Variants in SP4 observed in about 807,000 individuals in gnomAD.
The protein encoded by SP4 is transcription factor Sp4.
SP4 carries 19 observed loss-of-function variants against 72.8 expected under a neutral mutation model. The ratio of observed to expected loss-of-function variants is 0.26; its 90% CI spans 0.18 to 0.38. The LOEUF is 0.38. Among genes scored for constraint, SP4 ranks in the 10% least tolerant of loss-of-function variants. The probability of loss-of-function intolerance (pLI) is 1.00; values close to 1 mark genes in which losing one functional copy is unlikely to be tolerated. For synonymous variants in SP4, 395 were observed against 333.1 expected (o/e 1.19, Z -2.02); for missense variants, 1,008 against 926.3 (o/e 1.09, Z -1.14).
intron 5 of SP4, among the ~76,000 whole-genome samples, chr7:21,491,060 AAG>A (rs1173642622): frequency 6.6e-6 from 1 of 152,188 alleles, no homozygotes; most frequent in Non-Finnish European, 1.5e-5. Context: ...ACTTTTTATT[AAG>A]AGAGAAGATA....
chr7:21,462,354 A>C (rs1389476520), intron 3 of SP4, among the ~76,000 whole-genome samples: 1 of 152,158 alleles, frequency 6.6e-6, no homozygotes, highest in African/African-American at 2.4e-5. Context: ...TGTGGTTCTC[A>C]AGAGTCTTAA....
chr7:21,460,533 C>T (rs774650131), intron 3 of SP4, among the ~76,000 whole-genome samples: 8 of 152,170 alleles, frequency 5.3e-5, no homozygotes, highest in Non-Finnish European at 1.2e-4. Flanking sequence ...ACAAAGCTTC[C>T]ACAGTATGGA....
At chr7:21,467,848 G>A (rs1019573551) in intron 3 of SP4, among the ~76,000 whole-genome samples, 1 of 151,804 alleles carries the variant, frequency 6.6e-6, no homozygotes, top group Non-Finnish European at 1.5e-5. Flanking sequence ...TGTTTTTCCT[G>A]ATCAGTTATA....
Position 21,438,784 on chromosome 7 carries a change from C to T in SP4, c.1678+7941C>T, listed in dbSNP as rs1486537614. 2.0e-5 allele frequency among the ~76,000 whole-genome samples: 3 copies of T among 152,172 alleles called. No individual in the cohort carries two copies. The East Asian group carries it at 5.8e-4, about 29-fold the overall frequency. Reference sequence around the variant, plus strand: ...CAGTCTGTCCAGGGTGAATGGGAATCTTCTCTTTGTCCAGTTATACCCTCT... The same window carrying T: ...CAGTCTGTCCAGGGTGAATGGGAATTTTCTCTTTGTCCAGTTATACCCTCT... On this transcript the variant is annotated intron_variant, in intron 3 of 5. Transcript: ENST00000222584.
At chr7:21,490,084 G>A (rs914041374) in intron 5 of SP4, among the ~76,000 whole-genome samples, 2 of 152,154 alleles carry the variant, frequency 1.3e-5, no homozygotes, top group African/African-American at 4.8e-5. Context: ...TAAAAACTCT[G>A]GACAAGTTTA....
chr7:21,477,355 G>A (rs1279991577), intron 4 of SP4, 48 bp downstream of exon 4: 2 of 1,295,678 alleles, frequency 1.5e-6, no homozygotes, highest in Middle Eastern at 1.8e-4. Flanking sequence ...GCATAAAACA[G>A]CAGTTAAAAC....
intron 3 of SP4, among the ~76,000 whole-genome samples, chr7:21,435,389 T>TA (rs1194085934): frequency 3.3e-5 from 5 of 152,146 alleles, no homozygotes; most frequent in African/African-American, 1.2e-4. Flanking sequence ...TCATTATTGG[T>TA]AAAAATAGGT....
Position 21,430,801 on chromosome 7 carries a change from G to A in SP4, c.1636G>A (p.Val546Ile), listed in dbSNP as rs756168663. Reference sequence around the variant, plus strand: ...CGTTGCCAACCTGGGTGCTGCAGGTGTTCAAGTGCAGGGAGTTCCCGTTAC... The same window carrying A: ...CGTTGCCAACCTGGGTGCTGCAGGTATTCAAGTGCAGGGAGTTCCCGTTAC... ...VSVANLGAAG[V>I]QVQGVPVTIT... Residue 546 changes from valine to isoleucine, a missense_variant, in exon 3 of 6, where the codon GTT becomes ATT. Val to Ile is a conservative substitution (Grantham distance 29, BLOSUM62 3). Around this residue, in one of 3 missense-constraint regions of SP4, gnomAD observed 893 missense variants for 743.3 expected, o/e 1.20. Transcript: ENST00000222584. 2 of 1,614,008 alleles carry A rather than the reference G, an allele frequency of 1.2e-6. No homozygotes were observed. Among genetic ancestry groups the A allele is most frequent in the African/African-American group, 1.3e-5 (1 of 75,048 alleles).
chr7:21,464,051 G>A lies in SP4; in HGVS notation c.1679-13028G>A, dbSNP rs771642525. Among the ~76,000 whole-genome samples the A allele has an allele frequency of 3.3e-5, 5 of 151,356 alleles. No homozygotes were observed. The South Asian group carries it at 1.0e-3, about 32-fold the overall frequency. On this transcript the variant is annotated intron_variant, in intron 3 of 5. Coordinates refer to ENST00000222584, the MANE Select transcript of SP4 (RefSeq NM_003112.5). ...GAACACAGAAAAGATTTCACTAAGT[G>A]CTAGCAACTATTTATTATGATAATT... is the stretch of plus-strand genomic sequence containing the variant.
In SP4 at chr7:21,469,853, A is replaced by G. The variant is rs1784278626; in HGVS notation, c.1679-7226A>G. 2.6e-5 allele frequency among the ~76,000 whole-genome samples: 4 copies of G among 152,136 alleles called. No homozygotes were observed. The South Asian group carries it at 8.3e-4, about 32-fold the overall frequency. Reference sequence around the variant, plus strand: ...AGTCATGAGCCACCATGCTGGGCCTATAATTTTTTAGAGTTAATATTTTTA... The same window carrying G: ...AGTCATGAGCCACCATGCTGGGCCTGTAATTTTTTAGAGTTAATATTTTTA... On this transcript the variant is annotated intron_variant, in intron 3 of 5. Coordinates refer to ENST00000222584, the MANE Select transcript of SP4 (RefSeq NM_003112.5).
In SP4 at chr7:21,501,060, CAT is replaced by C. The variant is rs537605681; in HGVS notation, c.2108-9960_2108-9959del. Among the ~76,000 whole-genome samples, 482 of 152,262 alleles carry C rather than the reference CAT, an allele frequency of 3.2e-3. 2 individuals carry two copies. Among genetic ancestry groups the C allele is most frequent in the African/African-American group, 0.011 (455 of 41,550 alleles). On this transcript the variant is annotated intron_variant, in intron 5 of 5. Coordinates refer to ENST00000222584, the MANE Select transcript of SP4 (RefSeq NM_003112.5). ...CATGCAAATCCCTCCCCTAGTTCCT[CAT>C]AGGTCGAGTATTACAGGGTTACAAT...
At chr7:21,487,185 G>C (rs528718044) in intron 5 of SP4, among the ~76,000 whole-genome samples, 5 of 152,194 alleles carry the variant, frequency 3.3e-5, no homozygotes, top group African/African-American at 1.2e-4. Flanking sequence ...TTTCACATTA[G>C]TTCCTGTGTC....
At chr7:21,471,225 T>C (rs1257638906) in intron 3 of SP4, 1 of 449,220 alleles carries the variant, frequency 2.2e-6, no homozygotes, top group Non-Finnish European at 4.6e-6. Flanking sequence ...ACTGACCTTA[T>C]TGTGAATGTA....
At chr7:21,504,298 G>C (rs779183762) in intron 5 of SP4, among the ~76,000 whole-genome samples, 15 of 152,260 alleles carry the variant, frequency 9.9e-5, no homozygotes, top group South Asian at 4.1e-4. Context: ...ACCCTGCTCT[G>C]TCCAGATTTT....
Position 21,429,929 on chromosome 7 carries a change from C to G in SP4, c.764C>G (p.Thr255Arg). 6.2e-7 allele frequency: 1 copy of G among 1,614,202 alleles called. No individual in the cohort carries two copies. Among genetic ancestry groups the G allele is most frequent in the Non-Finnish European group, 8.5e-7 (1 of 1,180,028 alleles). Residue 255 changes from threonine to arginine, a missense_variant, in exon 3 of 6, where the codon ACA becomes AGA. Physicochemically the swap from Thr to Arg is moderately conservative, Grantham distance 71. Coordinates refer to ENST00000222584, the MANE Select transcript of SP4 (RefSeq NM_003112.5). ...TLPGTQAQVV[T>R]TLPINIGGVT... ...CCTGGTACTCAGGCTCAAGTTGTAA[C>G]AACCCTACCAATTAACATTGGAGGA...
At chr7:21,483,424 T>C (rs921817873) in intron 5 of SP4, among the ~76,000 whole-genome samples, 2 of 151,942 alleles carry the variant, frequency 1.3e-5, no homozygotes, top group Non-Finnish European at 2.9e-5. Flanking sequence ...GCTTTTTGTT[T>C]ATAAATTTTT....
Position 21,430,251 on chromosome 7 carries a change from T to C in SP4, c.1086T>C (p.Ser362=), listed in dbSNP as rs377606194. 8 of 1,614,046 alleles carry C rather than the reference T, an allele frequency of 5.0e-6. No homozygotes were observed. In the African/African-American group the frequency reaches 9.3e-5, roughly 19 times the overall value. ...GTTCTGAACGCACCATTGAAGAATC[T>C]CAAACACCTGCTGCTACTGAGTCTG... The part of the protein sequence containing the change: ...ASSSERTIEE[S]QTPAATESEA... The change falls in exon 3 of 6, where the codon TCT becomes TCC. Residue 362 remains serine, a synonymous_variant. Coordinates refer to ENST00000222584, the MANE Select transcript of SP4 (RefSeq NM_003112.5).
chr7:21,428,620 T>G, intron 1 of SP4, 57 bp from the exon 2 acceptor site: 1 of 1,449,908 alleles, frequency 6.9e-7, no homozygotes. Flanking sequence ...AGAAGACGAA[T>G]AATAATAATC....
At chr7:21,452,348 T>A (rs191603175) in intron 3 of SP4, among the ~76,000 whole-genome samples, 6 of 152,262 alleles carry the variant, frequency 3.9e-5, no homozygotes, top group Admixed American at 1.3e-4. Context: ...GAGTCTCAGA[T>A]AAGGCTTTTT....
Sources: gnomAD v4.1 joint callset for allele counts (sites outside exome capture counted in the v4.1 genomes callset) on GRCh38, gnomAD v4.1.1 for gene constraint, gnomAD v4.1.1 regional missense constraint, MANE v1.5 for transcripts, NCBI Gene and HGNC (gene_info 2026-07-23, HGNC 2026-07-21) for gene names.